Variants in RAB38 observed in about 807,000 individuals in gnomAD.
RAB38 encodes the protein ras-related protein Rab-38.
Under a neutral mutation model 18.4 loss-of-function variants are expected in RAB38, and 15 were observed. The ratio of observed to expected loss-of-function variants is 0.82; its 90% CI spans 0.55 to 1.26. RAB38 has a LOEUF of 1.26. Among genes scored for constraint, RAB38 ranks in the 50% most tolerant of loss-of-function variants. RAB38 has a pLI of 0.00. For missense variants in RAB38, 294 were observed against 267.4 expected (o/e 1.10, Z -0.69); for synonymous variants, 101 against 104.4 (o/e 0.97, Z 0.20).
the RAB38 span, among the ~76,000 whole-genome samples, chr11:88,093,652 G>A: frequency 2.6e-5 from 4 of 151,796 alleles, no homozygotes; most frequent in African/African-American, 9.7e-5. Flanking sequence ...CAGCCAGAAA[G>A]GGCTTTCTAA....
the RAB38 span, among the ~76,000 whole-genome samples, chr11:87,923,394 T>C: frequency 9.9e-5 from 15 of 152,132 alleles, no homozygotes; most frequent in African/African-American, 3.4e-4. Context: ...TAAATATTCT[T>C]AGATTCTTAG....
the RAB38 span, among the ~76,000 whole-genome samples, chr11:88,040,784 G>C: frequency 3.9e-5 from 6 of 152,076 alleles, no homozygotes; most frequent in East Asian, 1.2e-3. Flanking sequence ...TTAGGTGCCA[G>C]GCATTAGGGC....
At chr11:87,929,890 G>T in the RAB38 span, among the ~76,000 whole-genome samples, 1 of 152,018 alleles carries the variant, frequency 6.6e-6, no homozygotes, top group Non-Finnish European at 1.5e-5. Context: ...CAAAGGACAT[G>T]AACTCATCAT....
the RAB38 span, among the ~76,000 whole-genome samples, chr11:88,059,492 A>G: frequency 2.6e-5 from 4 of 152,332 alleles, no homozygotes; most frequent in Middle Eastern, 3.4e-3. Flanking sequence ...ATGATCATGA[A>G]TCATGCAGCT....
At chr11:88,144,070 T>A (rs376179462) in intron 2 of RAB38, among the ~76,000 whole-genome samples, 1 of 152,222 alleles carries the variant, frequency 6.6e-6, no homozygotes, top group African/African-American at 2.4e-5. Flanking sequence ...TCAGAAGTGA[T>A]GATTCAAATA....
intron 2 of RAB38, among the ~76,000 whole-genome samples, chr11:88,115,290 T>C (rs1394047988): frequency 6.6e-6 from 1 of 152,266 alleles, no homozygotes; most frequent in East Asian, 1.9e-4. Flanking sequence ...AATGTTTTAC[T>C]ACAGAACCTT....
chr11:87,816,017 G>C, the RAB38 span: 8 of 152,352 alleles, frequency 5.3e-5, no homozygotes, highest in African/African-American at 1.9e-4. Flanking sequence ...GAATAGTCCT[G>C]TAATGATTTG....
the RAB38 span, among the ~76,000 whole-genome samples, chr11:88,099,624 A>G: frequency 6.6e-6 from 1 of 151,824 alleles, no homozygotes; most frequent in Non-Finnish European, 1.5e-5. Flanking sequence ...TCCTCACCCA[A>G]ACACATAGCC....
chr11:87,856,404 C>G, the RAB38 span, among the ~76,000 whole-genome samples: 1 of 152,056 alleles, frequency 6.6e-6, no homozygotes, highest in Admixed American at 6.6e-5. Flanking sequence ...GAGCACAATC[C>G]CAGCTAACGC....
At chr11:87,824,997 A>AGT in the RAB38 span, among the ~76,000 whole-genome samples, 13 of 151,082 alleles carry the variant, frequency 8.6e-5, no homozygotes, top group East Asian at 1.9e-4. Context: ...AGAGAGAGTG[A>AGT]GTGTGTGTGT....
At chr11:88,044,060 G>A in the RAB38 span, among the ~76,000 whole-genome samples, 2 of 151,900 alleles carry the variant, frequency 1.3e-5, no homozygotes, top group African/African-American at 4.8e-5. Context: ...CTTAATTTCA[G>A]TTCCTTTCCT....
chr11:88,080,787 T>C, the RAB38 span, among the ~76,000 whole-genome samples: 1 of 145,708 alleles, frequency 6.9e-6, no homozygotes, highest in African/African-American at 2.5e-5. Context: ...TGGAGAATCA[T>C]TTTTCCATCA....
At chr11:87,956,349 A>G in the RAB38 span, among the ~76,000 whole-genome samples, 1 of 150,086 alleles carries the variant, frequency 6.7e-6, no homozygotes, top group Non-Finnish European at 1.5e-5. Flanking sequence ...AAAAGTTGTG[A>G]GAAGAACAAA....
the RAB38 span, among the ~76,000 whole-genome samples, chr11:88,008,211 TA>T: frequency 6.6e-6 from 1 of 152,170 alleles, no homozygotes; most frequent in Non-Finnish European, 1.5e-5. Flanking sequence ...TTACTGTATG[TA>T]AATTATACTT....
chr11:88,105,818 A>G, the RAB38 span, among the ~76,000 whole-genome samples: 2 of 152,180 alleles, frequency 1.3e-5, no homozygotes. Context: ...ATGCACTGAC[A>G]AGAAATCCTG....
the RAB38 span, among the ~76,000 whole-genome samples, chr11:88,088,201 A>G: frequency 1.3e-5 from 2 of 151,998 alleles, no homozygotes; most frequent in African/African-American, 2.4e-5. Flanking sequence ...AAACAAGTAA[A>G]TTGCAATTAG....
At chr11:87,852,674 C>A in the RAB38 span, among the ~76,000 whole-genome samples, 1 of 152,108 alleles carries the variant, frequency 6.6e-6, no homozygotes. Flanking sequence ...TCATTTATAT[C>A]TTCATCACAG....
the RAB38 span, among the ~76,000 whole-genome samples, chr11:87,958,970 A>G: frequency 6.6e-6 from 1 of 152,126 alleles, no homozygotes; most frequent in Non-Finnish European, 1.5e-5. Context: ...CAGGCCTCCA[A>G]TTTCTGCCCT....
intron 2 of RAB38, among the ~76,000 whole-genome samples, chr11:88,131,454 A>G (rs1459932714): frequency 1.3e-5 from 2 of 152,152 alleles, no homozygotes; most frequent in African/African-American, 2.4e-5. Flanking sequence ...TTGCATAGGT[A>G]GCTAAAACTT....
Sources: gnomAD v4.1 joint callset for allele counts (sites outside exome capture counted in the v4.1 genomes callset) on GRCh38, gnomAD v4.1.1 for gene constraint, MANE v1.5 for transcripts, NCBI Gene and HGNC (gene_info 2026-07-23, HGNC 2026-07-21) for gene names.